CAMKMT: variants seen among roughly 807,000 people sequenced by gnomAD.
CAMKMT encodes the protein CaM KMT.
A neutral mutation model predicts 48.0 loss-of-function variants in CAMKMT; 53 were observed. The ratio of observed to expected loss-of-function variants is 1.10; its 90% confidence interval spans 0.89 to 1.39. The LOEUF (loss-of-function observed/expected upper bound fraction) is 1.39. Ranked by LOEUF, CAMKMT falls within the 40% of genes most tolerant of loss-of-function variation. CAMKMT has a pLI of 0.00. For missense variants in CAMKMT, 428 were observed against 402.7 expected (o/e 1.06, Z -0.54); for synonymous variants, 165 against 152.3 (o/e 1.08, Z -0.61).
At chr2:44,479,673 T>C (rs1668868909) in intron 3 of CAMKMT, among the ~76,000 whole-genome samples, 1 of 152,126 alleles carries the variant, frequency 6.6e-6, no homozygotes, top group South Asian at 2.1e-4. Flanking sequence ...ATGGCTCGAT[T>C]TGTGGGTCTA....
chr2:44,595,584 A>G (rs1336953121), intron 3 of CAMKMT, among the ~76,000 whole-genome samples: 1 of 152,250 alleles, frequency 6.6e-6, no homozygotes, highest in Non-Finnish European at 1.5e-5. Flanking sequence ...AGTAATTTAT[A>G]GATTCAGTGC....
At chr2:44,726,500 T>C (rs1222568994) in intron 7 of CAMKMT, among the ~76,000 whole-genome samples, 1 of 152,234 alleles carries the variant, frequency 6.6e-6, no homozygotes, top group Non-Finnish European at 1.5e-5. Context: ...TTAAGTTCCC[T>C]AGAGATTCTA....
chr2:44,495,847 C>T (rs1391905331), intron 3 of CAMKMT, among the ~76,000 whole-genome samples: 2 of 152,178 alleles, frequency 1.3e-5, no homozygotes, highest in South Asian at 4.1e-4. Context: ...AAGTTTTATT[C>T]TCCTTCTATT....
chr2:44,384,490 A>G (rs1680569983), intron 2 of CAMKMT, among the ~76,000 whole-genome samples: 1 of 140,040 alleles, frequency 7.1e-6, no homozygotes, highest in Non-Finnish European at 1.5e-5. Flanking sequence ...ATTAGATCTC[A>G]GCTATTTATC....
At chr2:44,732,249 C>T (rs1679116184) in intron 7 of CAMKMT, among the ~76,000 whole-genome samples, 2 of 152,172 alleles carry the variant, frequency 1.3e-5, no homozygotes, top group South Asian at 4.1e-4. Context: ...CCATAGTGCC[C>T]AGCCAAGATT....
chr2:44,684,070 G>A (rs1224821350), intron 3 of CAMKMT, among the ~76,000 whole-genome samples: 1 of 152,148 alleles, frequency 6.6e-6, no homozygotes, highest in Non-Finnish European at 1.5e-5. Flanking sequence ...TGGGTTTGAA[G>A]CCATTGTTTC....
chr2:44,415,708 A>G (rs1683504567), intron 3 of CAMKMT, among the ~76,000 whole-genome samples: 1 of 152,214 alleles, frequency 6.6e-6, no homozygotes, highest in Non-Finnish European at 1.5e-5. Flanking sequence ...TTATGAAAAC[A>G]ATGATTCCAC....
At position 44,437,065 on chromosome 2, in the gene CAMKMT, T is replaced by A. The variant is rs1198361368; in HGVS notation, c.376+46760T>A. Among the ~76,000 whole-genome samples the A allele has an allele frequency of 3.3e-5, 5 of 152,306 alleles. No individual in the cohort carries two copies. In the East Asian group the frequency reaches 9.6e-4, roughly 29 times the overall value. ...TAATTTTATTTTTAAAAATCTTACC[T>A]CCTTGATATTTGAGTGCTTACTATT... On this transcript the variant is annotated intron_variant, in intron 3 of 10. Coordinates refer to ENST00000378494, the MANE Select transcript of CAMKMT (RefSeq NM_024766.5).
intron 4 of CAMKMT, chr2:44,705,549 G>T (rs1677507089): frequency 1.0e-6 from 1 of 984,678 alleles, no homozygotes; most frequent in Admixed American, 6.2e-5. Context: ...TAAGTGCAGA[G>T]TGCCACCCTA....
At chr2:44,721,133 C>T (rs1288347913) in intron 7 of CAMKMT, among the ~76,000 whole-genome samples, 1 of 152,072 alleles carries the variant, frequency 6.6e-6, no homozygotes, top group Non-Finnish European at 1.5e-5. Flanking sequence ...CTCATACCTC[C>T]TTTTTCTCTC....
At chr2:44,463,396 TG>T (rs1314303201) in intron 3 of CAMKMT, among the ~76,000 whole-genome samples, 1 of 152,214 alleles carries the variant, frequency 6.6e-6, no homozygotes, top group Non-Finnish European at 1.5e-5. Flanking sequence ...TCCATTTGAA[TG>T]ATGTCAGCCC....
chr2:44,656,396 G>A (rs1461232922), intron 3 of CAMKMT, among the ~76,000 whole-genome samples: 1 of 151,812 alleles, frequency 6.6e-6, no homozygotes, highest in Non-Finnish European at 1.5e-5. Context: ...TGCTGCTTCT[G>A]AAAGTATGTT....
chr2:44,462,419 A>G (rs1312466508), intron 3 of CAMKMT, among the ~76,000 whole-genome samples: 2 of 152,246 alleles, frequency 1.3e-5, no homozygotes, highest in East Asian at 1.9e-4. Flanking sequence ...TTTTCACTCA[A>G]TAATGAAACT....
At chr2:44,517,591 G>T (rs188193014) in intron 3 of CAMKMT, among the ~76,000 whole-genome samples, 1 of 152,306 alleles carries the variant, frequency 6.6e-6, no homozygotes, top group Admixed American at 6.5e-5. Context: ...GGACTGTCCA[G>T]CCTTTCTGCA....
intron 3 of CAMKMT, among the ~76,000 whole-genome samples, chr2:44,439,001 C>G (rs891345791): frequency 6.6e-6 from 1 of 152,210 alleles, no homozygotes; most frequent in Non-Finnish European, 1.5e-5. Context: ...TCATTTTACT[C>G]ACCACATTGT....
intron 3 of CAMKMT, among the ~76,000 whole-genome samples, chr2:44,640,543 T>G (rs987293768): frequency 2.0e-5 from 3 of 152,196 alleles, no homozygotes; most frequent in Admixed American, 1.3e-4. Flanking sequence ...TCTGTAGTCC[T>G]CAGTTTCCTC....
intron 3 of CAMKMT, among the ~76,000 whole-genome samples, chr2:44,546,202 CATACAT>C (rs1340724477): frequency 1.4e-5 from 2 of 138,926 alleles, no homozygotes; most frequent in Admixed American, 7.8e-5. Flanking sequence ...CACACACACA[CATACAT>C]GCACATACCC....
chr2:44,548,986 C>T (rs1265091552), intron 3 of CAMKMT, among the ~76,000 whole-genome samples: 1 of 152,126 alleles, frequency 6.6e-6, no homozygotes, highest in African/African-American at 2.4e-5. Flanking sequence ...ATGGTTTAAG[C>T]TGCTAAATTT....
Position 44,690,901 on chromosome 2 carries a change from A to AG in CAMKMT, c.377-13381dup, listed in dbSNP as rs1676616805. On this transcript the variant is annotated intron_variant, in intron 3 of 10. Coordinates refer to ENST00000378494, the MANE Select transcript of CAMKMT (RefSeq NM_024766.5). Reference sequence around the variant, plus strand: ...TGGGGCACGAGAATCACTTGAACCCAGAAGGCAGAGGTTGCAGCGAGCCGA... The same window carrying AG: ...TGGGGCACGAGAATCACTTGAACCCAGGAAGGCAGAGGTTGCAGCGAGCCGA... 3.3e-5 allele frequency among the ~76,000 whole-genome samples: 5 copies of AG among 152,152 alleles called. No individual in the cohort carries two copies. The South Asian group carries it at 1.0e-3, about 32-fold the overall frequency.
Sources: gnomAD v4.1 joint callset for allele counts (sites outside exome capture counted in the v4.1 genomes callset) on GRCh38, gnomAD v4.1.1 for gene constraint, MANE v1.5 for transcripts, NCBI Gene and HGNC (gene_info 2026-07-23, HGNC 2026-07-21) for gene names.